The following EIPR1 variants were observed in gnomAD, a reference collection of about 807,000 sequenced individuals.
EIPR1 encodes the protein EARP and GARP complex-interacting protein 1.
In EIPR1, 25 loss-of-function variants were observed where a neutral mutation model predicts 48.1. That is an observed-to-expected ratio of 0.52 (90% CI 0.38 to 0.73). The LOEUF (loss-of-function observed/expected upper bound fraction) is 0.73, where lower values mean the gene tolerates loss of function less well. EIPR1 is among the 30% of genes least tolerant of loss of function. The pLI is 0.00. For synonymous variants in EIPR1, 204 were observed against 201.9 expected, an observed-to-expected ratio of 1.01 and a Z score of -0.09; for missense variants, 415 against 506.2, an observed-to-expected ratio of 0.82 and a Z score of 1.73.
chr2:3,335,816 C>T (rs893068916), intron 3 of EIPR1, among the ~76,000 whole-genome samples: 1 of 152,136 alleles, frequency 6.6e-6, no homozygotes, highest in East Asian at 1.9e-4. Flanking sequence ...CCGTCACCCC[C>T]CACTGTGATT....
At chr2:3,231,981 G>A (rs1666257590) in intron 4 of EIPR1, among the ~76,000 whole-genome samples, 2 of 152,020 alleles carry the variant, frequency 1.3e-5, no homozygotes, top group Admixed American at 1.3e-4. Context: ...TTCTTTGTTG[G>A]GAGATTTTTG....
At chr2:3,268,294 G>A (rs546399816) in intron 3 of EIPR1, among the ~76,000 whole-genome samples, 2 of 152,264 alleles carry the variant, frequency 1.3e-5, no homozygotes, top group East Asian at 1.9e-4. Context: ...AGCCCAGAGG[G>A]TTCCCACACC....
At chr2:3,207,635 C>T (rs1665283263) in intron 5 of EIPR1, among the ~76,000 whole-genome samples, 1 of 152,184 alleles carries the variant, frequency 6.6e-6, no homozygotes, top group African/African-American at 2.4e-5. Flanking sequence ...CCGAAGCTCC[C>T]CAGGGTGAGC....
intron 3 of EIPR1, among the ~76,000 whole-genome samples, chr2:3,291,572 CT>C (rs1668367538): frequency 6.6e-6 from 1 of 151,992 alleles, no homozygotes; most frequent in Non-Finnish European, 1.5e-5. Context: ...AGCATACCTC[CT>C]AAAAAATTGG....
At position 3,310,652 on chromosome 2, in the gene EIPR1, C is replaced by CAA. The variant is rs751422009; in HGVS notation, c.259+27363_259+27364dup. On this transcript the variant is annotated intron_variant, in intron 3 of 8. Coordinates refer to ENST00000382125, the MANE Select transcript of EIPR1 (RefSeq NM_003310.5). ...TGGGCGACAGAGCCAGACTCCGTCTCAAAAAAAAAAAAAAAAAAAAAAAGT... is the reference window on the plus strand; with the variant it reads ...TGGGCGACAGAGCCAGACTCCGTCTCAAAAAAAAAAAAAAAAAAAAAAAAAGT... Among the ~76,000 whole-genome samples the CAA allele has an allele frequency of 8.5e-3, 454 of 53,296 alleles. 5 individuals are homozygous for CAA. Among genetic ancestry groups the CAA allele is most frequent in the African/African-American group, 0.013 (217 of 16,286 alleles). 35.0% of individuals were successfully genotyped at this position (53,296 alleles called of 152,430 possible).
chr2:3,344,775 T>C (rs2103361186), intron 2 of EIPR1, among the ~76,000 whole-genome samples: 1 of 151,750 alleles, frequency 6.6e-6, no homozygotes, highest in South Asian at 2.1e-4. Flanking sequence ...CCTGAGTAGT[T>C]GCAACTACAG....
intron 5 of EIPR1, among the ~76,000 whole-genome samples, chr2:3,209,529 G>A (rs1356566099): frequency 6.6e-6 from 1 of 152,210 alleles, no homozygotes; most frequent in East Asian, 1.9e-4. Context: ...CAAACGCACA[G>A]CGATCAGCCC....
intron 3 of EIPR1, among the ~76,000 whole-genome samples, chr2:3,335,125 C>T (rs1310770015): frequency 2.0e-5 from 3 of 152,302 alleles, no homozygotes; most frequent in African/African-American, 7.2e-5. Flanking sequence ...CCACATGAGG[C>T]GAGAGCCCTG....
chr2:3,333,458 C>A lies in EIPR1; in HGVS notation c.259+4559G>T, dbSNP rs146509495. On this transcript the variant is annotated intron_variant, in intron 3 of 8. Transcript: ENST00000382125. The stretch of plus-strand genomic sequence containing the variant: ...CCCATAAGATAAGATCCATGGAAGG[C>A]CAGGTGTGGTGGCTCACAGCTGTAA... Among the ~76,000 whole-genome samples, 702 of 152,212 alleles carry A rather than the reference C, an allele frequency of 4.6e-3. 9 individuals carry two copies. Among genetic ancestry groups the A allele is most frequent in the African/African-American group, 0.016 (677 of 41,530 alleles).
At chr2:3,299,760 T>A (rs1668714846) in intron 3 of EIPR1, among the ~76,000 whole-genome samples, 1 of 151,942 alleles carries the variant, frequency 6.6e-6, no homozygotes, top group Admixed American at 6.6e-5. Context: ...ATCTTATACG[T>A]CCCTAAGATG....
intron 2 of EIPR1, among the ~76,000 whole-genome samples, chr2:3,348,490 C>G (rs972174596): frequency 6.6e-6 from 1 of 152,244 alleles, no homozygotes; most frequent in Middle Eastern, 3.4e-3. Flanking sequence ...ATCACACCCC[C>G]CAGGAAGAAC....
chr2:3,366,879 C>T (rs1670986137), intron 1 of EIPR1, among the ~76,000 whole-genome samples: 1 of 151,908 alleles, frequency 6.6e-6, no homozygotes, highest in East Asian at 1.9e-4. Context: ...GTGGTGAAAC[C>T]CCATCTCTAC....
chr2:3,306,891 G>T (rs1668962357), intron 3 of EIPR1, among the ~76,000 whole-genome samples: 1 of 152,082 alleles, frequency 6.6e-6, no homozygotes, highest in Non-Finnish European at 1.5e-5. Flanking sequence ...TCAAAAAAGA[G>T]AACTCCTTTT....
chr2:3,296,276 A>T (rs1290684213), intron 3 of EIPR1, among the ~76,000 whole-genome samples: 68 of 20,670 alleles, frequency 3.3e-3, no homozygotes, highest in African/African-American at 7.3e-3. Context: ...GCCCATCCTC[A>T]CCACACACAG....
At chr2:3,349,422 C>T (rs371152253) in intron 2 of EIPR1, among the ~76,000 whole-genome samples, 3 of 152,232 alleles carry the variant, frequency 2.0e-5, no homozygotes, top group Admixed American at 2.0e-4. Flanking sequence ...TTACTGATCA[C>T]GGTGCCAGCA....
At chr2:3,335,062 G>T (rs190220556) in intron 3 of EIPR1, among the ~76,000 whole-genome samples, 382 of 152,330 alleles carry the variant, frequency 2.5e-3, no homozygotes, top group Non-Finnish European at 3.8e-3. Flanking sequence ...AGCAGCTGAG[G>T]GTGGTCCCAG....
At chr2:3,243,558 G>A (rs1025755553) in intron 4 of EIPR1, among the ~76,000 whole-genome samples, 10 of 152,140 alleles carry the variant, frequency 6.6e-5, no homozygotes, top group Admixed American at 6.5e-4. Context: ...TTGAACCCGG[G>A]AGGCAGAGGT....
intron 3 of EIPR1, among the ~76,000 whole-genome samples, chr2:3,264,630 C>T (rs942127529): frequency 6.6e-6 from 1 of 152,232 alleles, no homozygotes; most frequent in African/African-American, 2.4e-5. Flanking sequence ...TCACATGACA[C>T]AAGAAGACAA....
intron 2 of EIPR1, among the ~76,000 whole-genome samples, chr2:3,350,327 C>T (rs887567825): frequency 2.0e-5 from 3 of 151,996 alleles, no homozygotes; most frequent in Non-Finnish European, 4.4e-5. Flanking sequence ...TGTGCCACAC[C>T]CTTTCAAACA....
Sources: gnomAD v4.1 joint callset for allele counts (sites outside exome capture counted in the v4.1 genomes callset) on GRCh38, gnomAD v4.1.1 for gene constraint, MANE v1.5 for transcripts, NCBI Gene and HGNC (gene_info 2026-07-23, HGNC 2026-07-21) for gene names.